CRYBG1: variants seen among roughly 807,000 people sequenced by gnomAD.
The protein encoded by CRYBG1 is beta/gamma crystallin domain-containing protein 1.
A neutral mutation model predicts 189.2 loss-of-function variants in CRYBG1; 139 were observed. That is an observed-to-expected ratio of 0.73 (90% CI 0.64 to 0.85). The LOEUF (loss-of-function observed/expected upper bound fraction) is 0.85, where lower values mean the gene tolerates loss of function less well. Among genes scored for constraint, CRYBG1 ranks in the 40% least tolerant of loss-of-function variants. The pLI, the probability that CRYBG1 is intolerant of heterozygous loss-of-function variation, is 0.00. For missense variants in CRYBG1, 2,611 were observed against 2,675.8 expected, an observed-to-expected ratio of 0.98 and a Z score of 0.53; for synonymous variants, 1,023 against 1,017.1, an observed-to-expected ratio of 1.01 and a Z score of -0.11.
At chr6:106,498,071 A>G (rs1772895584) in intron 2 of CRYBG1, among the ~76,000 whole-genome samples, 1 of 151,198 alleles carries the variant, frequency 6.6e-6, no homozygotes, top group African/African-American at 2.4e-5. Flanking sequence ...ACTGCACTCC[A>G]GCCTGGGCTA....
intron 13 of CRYBG1, among the ~76,000 whole-genome samples, chr6:106,545,409 G>A (rs1027411273): frequency 6.6e-6 from 1 of 152,206 alleles, no homozygotes; most frequent in Non-Finnish European, 1.5e-5. Context: ...GGTGAAGCAA[G>A]TTTTTATTGA....
At chr6:106,517,417 T>C (rs867696596) in intron 3 of CRYBG1, among the ~76,000 whole-genome samples, 11 of 132,510 alleles carry the variant, frequency 8.3e-5, no homozygotes, top group Non-Finnish European at 1.3e-4. Context: ...CACACATATA[T>C]ACACATATAT....
intron 2 of CRYBG1, among the ~76,000 whole-genome samples, chr6:106,458,132 G>T (rs1399193705): frequency 6.6e-6 from 1 of 152,178 alleles, no homozygotes; most frequent in Non-Finnish European, 1.5e-5. Context: ...ACGGAGGAGT[G>T]GTTTAAGTTG....
chr6:106,544,601 C>G lies in CRYBG1; in HGVS notation c.5070C>G (p.Thr1690=), dbSNP rs747584669. 1.2e-6 allele frequency: 2 copies of G among 1,613,604 alleles called. No individual in the cohort carries two copies. The highest frequency in any genetic ancestry group is 3.3e-5 in the Admixed American group (2 of 59,962). ...TTGCATATGAGAAACCTGGATTTAC[C>G]GGTCATCAGTATTTGCTAGAAGAAG... The part of the protein sequence containing the change: ...IWVAYEKPGF[T]GHQYLLEEGE... The change falls in exon 12 of 22, where the codon ACC becomes ACG. Residue 1690 remains threonine, a synonymous_variant. Coordinates refer to ENST00000633556, the MANE Select transcript of CRYBG1 (RefSeq NM_001371242.2).
Position 106,511,710 on chromosome 6 carries a change from C to A in CRYBG1, c.593C>A (p.Pro198His), listed in dbSNP as rs1773261992. ...ENPREAEGELPESGGPAAPPD... is the reference protein window; with the variant it reads ...ENPREAEGELHESGGPAAPPD... ...CCCCGAGAGGCAGAGGGCGAGCTCC[C>A]CGAGAGCGGTGGCCCCGCAGCCCCC... The change falls in exon 3 of 22, where the codon CCC becomes CAC. Residue 198 changes from proline (P) to histidine (H), a missense_variant. Coordinates refer to ENST00000633556, the MANE Select transcript of CRYBG1 (RefSeq NM_001371242.2). 1 of 1,535,462 alleles carries A rather than the reference C, an allele frequency of 6.5e-7. No individual in the cohort carries two copies. The highest frequency in any genetic ancestry group is 1.4e-5 in the African/African-American group (1 of 73,018).
chr6:106,465,435 C>T (rs370421019), intron 2 of CRYBG1, among the ~76,000 whole-genome samples: 1 of 152,100 alleles, frequency 6.6e-6, no homozygotes, highest in African/African-American at 2.4e-5. Flanking sequence ...TCTGTGGAGC[C>T]CTAGGCATTC....
At chr6:106,523,390 T>C (rs1773654352) in intron 4 of CRYBG1, among the ~76,000 whole-genome samples, 1 of 152,236 alleles carries the variant, frequency 6.6e-6, no homozygotes, top group African/African-American at 2.4e-5. Flanking sequence ...ATTACTACTT[T>C]GTTCTTTTTA....
intron 1 of CRYBG1, among the ~76,000 whole-genome samples, chr6:106,445,824 C>T (rs1254317875): frequency 1.3e-5 from 2 of 152,162 alleles, no homozygotes; most frequent in African/African-American, 4.8e-5. Flanking sequence ...AATTTGAAGA[C>T]AACACTGCTT....
chr6:106,548,915 C>G (rs1218861621), intron 13 of CRYBG1, among the ~76,000 whole-genome samples: 1 of 129,636 alleles, frequency 7.7e-6, no homozygotes, highest in African/African-American at 2.9e-5. Flanking sequence ...CACAACAGTC[C>G]CCGGTGTGTG....
At position 106,542,283 on chromosome 6, in the gene CRYBG1, G is replaced by GTT. The variant is rs35839968; in HGVS notation, c.4881+675_4881+676dup. ...ATCTTATCAGATGCCATTATTTAGG[G>GTT]TTTTTTTTTTTTTTGTGGAGACCAG... On this transcript the variant is annotated intron_variant, in intron 10 of 21. Transcript: ENST00000633556. Among the ~76,000 whole-genome samples, 519 of 113,064 alleles carry GTT rather than the reference G, an allele frequency of 4.6e-3. 7 individuals carry two copies. Among genetic ancestry groups the GTT allele is most frequent in the African/African-American group, 0.016 (484 of 29,622 alleles). The allele number at this position is 113,064 out of a possible 152,430, so 74.2% of individuals were successfully genotyped here. A position where few individuals can be genotyped will look rare whatever the true frequency, so the allele number is the denominator to read the frequency against.
At chr6:106,395,411 G>A (rs921500375) in intron 1 of CRYBG1, among the ~76,000 whole-genome samples, 3 of 149,400 alleles carry the variant, frequency 2.0e-5, no homozygotes, top group Admixed American at 1.3e-4. Context: ...CATTATTTTT[G>A]TAGCTTTTTG....
chr6:106,544,672 T>C lies in CRYBG1; in HGVS notation c.5141T>C (p.Leu1714Pro), dbSNP rs147938718. Residue 1714 changes from leucine to proline, a missense_variant, in exon 12 of 22, where the codon CTT becomes CCT. This residue lies in a region of CRYBG1 where 1,622 missense variants were observed against 1,735.0 expected (regional missense o/e 0.93). Transcript: ENST00000633556. ...WKAWGGYNGE[L>P]QSLRPILGDF... is the part of the protein sequence containing the mutation. Reference sequence around the variant, plus strand: ...GCCTGGGGAGGTTACAATGGAGAGCTTCAGTCTTTACGACCTATATTAGGT... The same window carrying C: ...GCCTGGGGAGGTTACAATGGAGAGCCTCAGTCTTTACGACCTATATTAGGT... The C allele has an allele frequency of 1.2e-5, 20 of 1,614,074 alleles. No homozygotes were observed. In the Admixed American group the frequency reaches 1.7e-4, roughly 13 times the overall value.
intron 1 of CRYBG1, among the ~76,000 whole-genome samples, chr6:106,402,029 A>G (rs1330089498): frequency 3.5e-5 from 5 of 141,756 alleles, no homozygotes; most frequent in Non-Finnish European, 4.6e-5. Context: ...CCAAATCATG[A>G]GTGAACTCCC....
intron 1 of CRYBG1, among the ~76,000 whole-genome samples, chr6:106,387,563 T>C (rs191128789): frequency 6.6e-6 from 1 of 152,272 alleles, no homozygotes; most frequent in Non-Finnish European, 1.5e-5. Context: ...TCCACCCTAG[T>C]AAGGGTTTTA....
In CRYBG1 at chr6:106,541,610, A is replaced by T; in HGVS notation, c.4870A>T (p.Thr1624Ser). The change falls in exon 10 of 22, where the codon ACA (threonine) becomes TCA (serine). Residue 1624 changes from threonine (T) to serine (S), a missense_variant. Coordinates refer to ENST00000633556, the MANE Select transcript of CRYBG1 (RefSeq NM_001371242.2). Reference protein sequence around the residue: ...KMGGRKVEFPTDPKVVVYEKP... With the variant: ...KMGGRKVEFPSDPKVVVYEKP... ...GGGTGGCCGTAAAGTTGAATTCCCTACAGATCCAAAGGTAAAAATATATAT... is the reference window on the plus strand; with the variant it reads ...GGGTGGCCGTAAAGTTGAATTCCCTTCAGATCCAAAGGTAAAAATATATAT... 1.2e-6 allele frequency: 2 copies of T among 1,609,700 alleles called. No homozygotes were observed. Among genetic ancestry groups the T allele is most frequent in the Non-Finnish European group, 1.7e-6 (2 of 1,176,448 alleles).
At chr6:106,366,806 G>T (rs1447194994) in intron 1 of CRYBG1, among the ~76,000 whole-genome samples, 2 of 152,224 alleles carry the variant, frequency 1.3e-5, no homozygotes, top group Admixed American at 1.3e-4. Context: ...AGTAGCAGGG[G>T]CAATACTGGC....
At chr6:106,533,331 T>C (rs760745981) in intron 8 of CRYBG1, among the ~76,000 whole-genome samples, 26 of 152,160 alleles carry the variant, frequency 1.7e-4, no homozygotes, top group Non-Finnish European at 2.9e-4. Flanking sequence ...CTGAGTGAAG[T>C]AGGAGGATAG....
chr6:106,526,557 A>G (rs1307715570), intron 6 of CRYBG1, among the ~76,000 whole-genome samples: 1 of 152,258 alleles, frequency 6.6e-6, no homozygotes, highest in East Asian at 1.9e-4. Flanking sequence ...TTCCATTACC[A>G]TATCTATAGT....
chr6:106,502,857 T>C (rs1456828452), intron 2 of CRYBG1, among the ~76,000 whole-genome samples: 1 of 152,366 alleles, frequency 6.6e-6, no homozygotes, highest in East Asian at 1.9e-4. Context: ...TTCTTTCACA[T>C]GGCCTCTTCC....
Sources: gnomAD v4.1 joint callset for allele counts (sites outside exome capture counted in the v4.1 genomes callset) on GRCh38, gnomAD v4.1.1 for gene constraint, gnomAD v4.1.1 regional missense constraint, MANE v1.5 for transcripts, NCBI Gene and HGNC (gene_info 2026-07-23, HGNC 2026-07-21) for gene names.